Variants in CREBRF observed in about 807,000 individuals in gnomAD.
CREBRF encodes the protein CREB3 regulatory factor.
In CREBRF, 5 loss-of-function variants were observed where a neutral mutation model predicts 66.1. That is an observed-to-expected ratio of 0.08 (90% CI 0.04 to 0.16). The LOEUF (loss-of-function observed/expected upper bound fraction) is 0.16, where lower values mean the gene tolerates loss of function less well. CREBRF is among the 10% of genes least tolerant of loss of function. CREBRF has a pLI of 1.00. For missense variants in CREBRF, 531 were observed against 744.9 expected, an observed-to-expected ratio of 0.71 and a Z score of 3.34; for synonymous variants, 229 against 264.4, an observed-to-expected ratio of 0.87 and a Z score of 1.30.
chr5:173,079,512 C>A (rs1378367307), intron 1 of CREBRF, among the ~76,000 whole-genome samples: 3 of 150,812 alleles, frequency 2.0e-5, no homozygotes, highest in Non-Finnish European at 4.4e-5. Flanking sequence ...ACCACTGTAA[C>A]CCTCTAGCCC....
intron 1 of CREBRF, among the ~76,000 whole-genome samples, chr5:173,061,679 G>GT (rs781648005): frequency 1.1e-4 from 17 of 152,280 alleles, no homozygotes; most frequent in Non-Finnish European, 2.2e-4. Flanking sequence ...TAATTTAGAA[G>GT]TTAAGACATT....
intron 4 of CREBRF, chr5:173,091,892 C>T (rs1758351144): frequency 2.0e-6 from 1 of 503,692 alleles, no homozygotes; most frequent in Admixed American, 6.4e-5. Flanking sequence ...AAAGACCAGC[C>T]CGGCCAACAC....
In CREBRF at chr5:173,110,529, T is replaced by C. The variant is rs753522863; in HGVS notation, c.1425T>C (p.Tyr475=). 1.1e-5 allele frequency: 18 copies of C among 1,610,144 alleles called. No individual in the cohort carries two copies. Among genetic ancestry groups the C allele is most frequent in the Admixed American group, 3.3e-5 (2 of 59,970 alleles). The stretch of plus-strand genomic sequence containing the variant: ...CTTTTAAACTGTTTATAGGAAAATA[T>C]GCAGTAAAGAAGTCACGGAGAACTG... The part of the protein sequence containing the change: ...YQKNGLHHGK[Y]AVKKSRRTDV... Residue 475 remains tyrosine, a synonymous_variant, in exon 6 of 9, where the codon TAT becomes TAC. Transcript: ENST00000296953.
intron 2 of CREBRF, among the ~76,000 whole-genome samples, chr5:173,081,442 C>T (rs1416839404): frequency 6.6e-6 from 1 of 152,170 alleles, no homozygotes; most frequent in African/African-American, 2.4e-5. Flanking sequence ...TGCCCCTCCC[C>T]TGTTTGTTTC....
chr5:173,094,406 T>A (rs72816120), intron 4 of CREBRF, among the ~76,000 whole-genome samples: 16 of 152,314 alleles, frequency 1.1e-4, no homozygotes, highest in Non-Finnish European at 2.2e-4. Flanking sequence ...CCACTAATAG[T>A]TTACAAGAGT....
intron 1 of CREBRF, among the ~76,000 whole-genome samples, chr5:173,075,615 A>G (rs2560324): frequency 0.66 from 99,713 of 151,992 alleles, 33,201 homozygotes; most frequent in Middle Eastern, 0.7. Flanking sequence ...AGCTTGGGCC[A>G]TCTGATAAGT....
chr5:173,056,843 G>C (rs559243880), intron 1 of CREBRF, among the ~76,000 whole-genome samples: 1 of 151,826 alleles, frequency 6.6e-6, no homozygotes, highest in South Asian at 2.1e-4. Flanking sequence ...GCCCGGGGCC[G>C]CTGCTGCCGG....
Position 173,090,195 on chromosome 5 carries a change from C to A in CREBRF, c.136-120C>A. The A allele has an allele frequency of 1.5e-6, 1 of 662,794 alleles. No individual in the cohort carries two copies. Among genetic ancestry groups the A allele is most frequent in the Non-Finnish European group, 2.5e-6 (1 of 401,416 alleles). The allele number at this position is 662,794 out of a possible 1,614,324, so 41.1% of individuals were successfully genotyped here. A position where few individuals can be genotyped will look rare whatever the true frequency, so the allele number is the denominator to read the frequency against. Reference sequence around the variant, plus strand: ...TATATGAAATGATAAAGCGTCCTGTCAGTAGCCTTTATGTTAAAACAGACC... The same window carrying A: ...TATATGAAATGATAAAGCGTCCTGTAAGTAGCCTTTATGTTAAAACAGACC... On this transcript the variant is annotated intron_variant, in intron 3 of 8. Transcript: ENST00000296953. This position sits in a 1 kb window ranked among gnomAD's most constrained non-coding sequence, Gnocchi z 4.5.
intron 1 of CREBRF, among the ~76,000 whole-genome samples, chr5:173,069,367 TCTCA>T (rs1394856023): frequency 1.3e-5 from 2 of 151,464 alleles, no homozygotes; most frequent in Non-Finnish European, 2.9e-5. Flanking sequence ...TGAGACAGAG[TCTCA>T]CTCAGTTACC....
chr5:173,081,293 TG>T (rs1172973115), intron 2 of CREBRF, among the ~76,000 whole-genome samples: 2 of 152,218 alleles, frequency 1.3e-5, no homozygotes, highest in African/African-American at 4.8e-5. Context: ...TAAGAATGAT[TG>T]TATCTGTTTA....
intron 7 of CREBRF, among the ~76,000 whole-genome samples, chr5:173,121,843 T>C (rs1759146011): frequency 6.6e-6 from 1 of 151,396 alleles, no homozygotes; most frequent in Admixed American, 6.6e-5. Flanking sequence ...TACAGTGTGT[T>C]GTCTTTTTTC....
At chr5:173,061,060 C>T (rs113177070) in intron 1 of CREBRF, among the ~76,000 whole-genome samples, 7,644 of 152,140 alleles carry the variant, frequency 0.05, 263 homozygotes, top group South Asian at 0.096. Context: ...CTCCGCCTCC[C>T]GGGTTTAAGC....
chr5:173,119,881 A>G (rs770591975), intron 7 of CREBRF, among the ~76,000 whole-genome samples: 1 of 152,208 alleles, frequency 6.6e-6, no homozygotes, highest in Non-Finnish European at 1.5e-5. Context: ...CTGTTAATAC[A>G]TCACATATTC....
chr5:173,105,791 T>C (rs192457158), intron 4 of CREBRF, among the ~76,000 whole-genome samples: 13 of 144,518 alleles, frequency 9.0e-5, no homozygotes, highest in African/African-American at 3.4e-4. Context: ...TATTTATTTT[T>C]GTATTTTTAG....
chr5:173,111,099 T>C (rs967228131), intron 6 of CREBRF, among the ~76,000 whole-genome samples: 3 of 152,202 alleles, frequency 2.0e-5, no homozygotes, highest in African/African-American at 4.8e-5. Context: ...AATCAAGATA[T>C]TGAACATTTT....
At chr5:173,089,176 CA>C (rs369433965) in intron 3 of CREBRF, among the ~76,000 whole-genome samples, 10,969 of 70,162 alleles carry the variant, frequency 0.16, 350 homozygotes, top group South Asian at 0.25. Flanking sequence ...GACTCCATCT[CA>C]AAAAAAAAAA....
chr5:173,125,980 C>A (rs1320901622), intron 8 of CREBRF, among the ~76,000 whole-genome samples: 2 of 152,182 alleles, frequency 1.3e-5, no homozygotes, highest in Non-Finnish European at 2.9e-5. Flanking sequence ...GAGTTCTAGA[C>A]CAGCCTGGGC....
At chr5:173,102,556 C>T (rs555107536) in intron 4 of CREBRF, among the ~76,000 whole-genome samples, 64 of 152,154 alleles carry the variant, frequency 4.2e-4, no homozygotes, top group African/African-American at 1.4e-3. Flanking sequence ...AGGCCTGGAG[C>T]CTGGATCATT....
chr5:173,138,137 A>G lies in CREBRF; in HGVS notation c.*4392A>G, dbSNP rs896025850. On this transcript the variant is annotated 3_prime_UTR_variant, in exon 9 of 9. Transcript: ENST00000296953. ...TCTTGTTCTTCCCTTGGATCATGACAAATAAGTCTCACACAGTGCCGTAAT... is the reference window on the plus strand; with the variant it reads ...TCTTGTTCTTCCCTTGGATCATGACGAATAAGTCTCACACAGTGCCGTAAT... 3 of 152,186 alleles carry G rather than the reference A, an allele frequency of 2.0e-5. No individual in the cohort carries two copies. The highest frequency in any genetic ancestry group is 7.2e-5 in the African/African-American group (3 of 41,456). The allele number at this position is 152,186 out of a possible 1,614,324, so 9.4% of individuals were successfully genotyped here.
Sources: allele counts gnomAD v4.1 joint callset (sites outside exome capture counted in the v4.1 genomes callset), GRCh38; gene constraint gnomAD v4.1.1; non-coding constraint Gnocchi (gnomAD v3.1); transcripts MANE v1.5; gene names NCBI Gene and HGNC (gene_info 2026-07-23, HGNC 2026-07-21).